The following WDR72 variants were observed in gnomAD, a reference collection of about 807,000 sequenced individuals.
WDR72 encodes WD repeat-containing protein 72.
In WDR72, 120 loss-of-function variants were observed where a neutral mutation model predicts 124.2. The ratio of observed to expected loss-of-function variants is 0.97; its 90% CI spans 0.83 to 1.12. The LOEUF (loss-of-function observed/expected upper bound fraction) is 1.12, where lower values mean the gene tolerates loss of function less well. Among genes scored for constraint, WDR72 ranks in the 50% most tolerant of loss-of-function variants. The pLI is 0.00. For missense variants in WDR72, 1,387 were observed against 1,278.8 expected, an observed-to-expected ratio of 1.08 and a Z score of -1.29; for synonymous variants, 452 against 441.7, an observed-to-expected ratio of 1.02 and a Z score of -0.29.
At chr15:53,630,785 G>A (rs763082680) in intron 14 of WDR72, among the ~76,000 whole-genome samples, 16 of 152,204 alleles carry the variant, frequency 1.1e-4, no homozygotes, top group Non-Finnish European at 1.9e-4. Context: ...TGCTTTCCTC[G>A]TAAGGTCAGG....
At chr15:53,664,461 G>A (rs550178597) in intron 14 of WDR72, among the ~76,000 whole-genome samples, 21 of 151,610 alleles carry the variant, frequency 1.4e-4, no homozygotes, top group African/African-American at 5.1e-4. Context: ...CAACTCTACT[G>A]CTTTGAGGCA....
At position 53,654,962 on chromosome 15, in the gene WDR72, G is replaced by A. The variant is rs541767174; in HGVS notation, c.1962+10610C>T. ...TTAAGAGATCTTGGCCAGGTGCAGT[G>A]GCTCACGCCTGTAATCCCAGCATTT... On this transcript the variant is annotated intron_variant, in intron 14 of 19. Transcript: ENST00000360509. 4.6e-5 allele frequency among the ~76,000 whole-genome samples: 7 copies of A among 152,178 alleles called. No individual in the cohort carries two copies. In the South Asian group the frequency reaches 8.3e-4, roughly 18 times the overall value.
intron 18 of WDR72, among the ~76,000 whole-genome samples, chr15:53,576,702 T>C (rs2011633002): frequency 6.6e-6 from 1 of 152,032 alleles, no homozygotes; most frequent in African/African-American, 2.4e-5. Context: ...CTAGGGAAAA[T>C]TGAACAAGAC....
intron 3 of WDR72, among the ~76,000 whole-genome samples, chr15:53,719,668 A>G (rs771792579): frequency 6.6e-6 from 1 of 152,192 alleles, no homozygotes; most frequent in Non-Finnish European, 1.5e-5. Context: ...TGCTACTTCA[A>G]ATATGGGCTC....
At chr15:53,593,480 A>C (rs963113437) in intron 18 of WDR72, among the ~76,000 whole-genome samples, 1 of 152,086 alleles carries the variant, frequency 6.6e-6, no homozygotes, top group South Asian at 2.1e-4. Context: ...GTATGTTTCA[A>C]AGAGTAAGAT....
chr15:53,555,276 G>A (rs947992186), intron 18 of WDR72, among the ~76,000 whole-genome samples: 7 of 151,702 alleles, frequency 4.6e-5, no homozygotes, highest in Non-Finnish European at 7.4e-5. Context: ...AACTCAGGAA[G>A]TGCACGTGCA....
intron 2 of WDR72, among the ~76,000 whole-genome samples, chr15:53,724,499 G>A (rs2017964946): frequency 6.6e-6 from 1 of 152,186 alleles, no homozygotes; most frequent in South Asian, 2.1e-4. Context: ...CAATCATGGT[G>A]GAAGGTGAAG....
chr15:53,632,956 A>G (rs1235260146), intron 14 of WDR72, among the ~76,000 whole-genome samples: 3 of 152,224 alleles, frequency 2.0e-5, no homozygotes, highest in African/African-American at 7.2e-5. Context: ...CTTGTCTCAG[A>G]TGAGGCTTTG....
chr15:53,673,020 C>G (rs1026300351), intron 13 of WDR72, among the ~76,000 whole-genome samples: 2 of 151,982 alleles, frequency 1.3e-5, no homozygotes, highest in African/African-American at 4.8e-5. Context: ...ACTCAGGAGG[C>G]TGAGGTGGGA....
chr15:53,729,653 A>G (rs952460174), intron 2 of WDR72, among the ~76,000 whole-genome samples: 5 of 152,132 alleles, frequency 3.3e-5, no homozygotes, highest in African/African-American at 1.2e-4. Flanking sequence ...CATGTCTTTC[A>G]CACACACTTG....
intron 13 of WDR72, among the ~76,000 whole-genome samples, chr15:53,689,917 G>A (rs1277320836): frequency 6.6e-6 from 1 of 151,280 alleles, no homozygotes; most frequent in African/African-American, 2.4e-5. Context: ...TCCTTTGTAG[G>A]GACATGGATG....
chr15:53,643,771 A>G (rs1417205556), intron 14 of WDR72, among the ~76,000 whole-genome samples: 1 of 152,062 alleles, frequency 6.6e-6, no homozygotes, highest in Non-Finnish European at 1.5e-5. Context: ...GAGAAAGAAA[A>G]TAACACACTT....
chr15:53,604,686 A>T (rs561857257), intron 17 of WDR72, among the ~76,000 whole-genome samples: 16 of 152,360 alleles, frequency 1.1e-4, no homozygotes, highest in African/African-American at 3.6e-4. Flanking sequence ...GACACTTTTC[A>T]AAGGAAGACA....
chr15:53,705,807 T>C (rs2017335528), intron 10 of WDR72, 120 bp downstream of exon 10: 12 of 1,141,918 alleles, frequency 1.1e-5, no homozygotes, highest in South Asian at 6.5e-5. Context: ...ATTTAATACG[T>C]AGTAGTACAC....
intron 12 of WDR72, 89 bp from the exon 13 acceptor site, chr15:53,700,034 A>T: frequency 1.3e-6 from 2 of 1,500,110 alleles, no homozygotes. Flanking sequence ...TAACATAAAA[A>T]AGTTTTGTTA....
intron 17 of WDR72, among the ~76,000 whole-genome samples, chr15:53,601,067 T>G (rs984508417): frequency 6.6e-6 from 1 of 151,920 alleles, no homozygotes; most frequent in African/African-American, 2.4e-5. Context: ...TCCATTTAAC[T>G]AGGGTTAAAA....
intron 17 of WDR72, among the ~76,000 whole-genome samples, chr15:53,604,737 A>G (rs1294267707): frequency 6.6e-6 from 1 of 152,214 alleles, no homozygotes; most frequent in Admixed American, 6.5e-5. Context: ...GCTTAACATC[A>G]CTAATCACTG....
chr15:53,581,948 G>A (rs944339372), intron 18 of WDR72, among the ~76,000 whole-genome samples: 2 of 151,308 alleles, frequency 1.3e-5, no homozygotes, highest in Non-Finnish European at 3.0e-5. Context: ...ATTATGGCTT[G>A]TGAATTTGAG....
intron 4 of WDR72, 139 bp downstream of exon 4, chr15:53,716,468 G>A (rs2017710705): frequency 2.8e-6 from 2 of 703,482 alleles, no homozygotes; most frequent in African/African-American, 1.7e-5. Context: ...ACAATTACTG[G>A]TGATATTTGA....
Sources: gnomAD v4.1 joint callset for allele counts (sites outside exome capture counted in the v4.1 genomes callset) on GRCh38, gnomAD v4.1.1 for gene constraint, MANE v1.5 for transcripts, NCBI Gene and HGNC (gene_info 2026-07-23, HGNC 2026-07-21) for gene names.